Variants in SLA observed in about 807,000 individuals in gnomAD.
SLA encodes src-like-adapter.
In SLA, 16 loss-of-function variants were observed where a neutral mutation model predicts 30.3. That is an observed-to-expected ratio of 0.53 (90% CI 0.36 to 0.80). The LOEUF (loss-of-function observed/expected upper bound fraction) is 0.80, where lower values mean the gene tolerates loss of function less well. Ranked by LOEUF, SLA falls within the 30% of genes least tolerant of loss-of-function variation. The pLI is 0.01. For synonymous variants in SLA, 143 were observed against 137.8 expected (o/e 1.04, Z -0.26); for missense variants, 310 against 345.2 (o/e 0.90, Z 0.81).
intron 1 of SLA, chr8:133,090,258 G>C (rs1247653724): frequency 6.6e-6 from 1 of 152,248 alleles, no homozygotes; most frequent in Non-Finnish European, 1.5e-5. Context: ...TGAGGGCTTA[G>C]AAGTCACACA....
intron 1 of SLA, chr8:133,094,924 T>C: frequency 7.2e-7 from 1 of 1,384,170 alleles, no homozygotes; most frequent in South Asian, 1.2e-5. Flanking sequence ...CCAGAATGGG[T>C]CCTGGGACTC....
intron 3 of SLA, among the ~76,000 whole-genome samples, chr8:133,057,619 G>A (rs1218772297): frequency 6.6e-6 from 1 of 152,098 alleles, no homozygotes; most frequent in African/African-American, 2.4e-5. Context: ...CAGCTTCCAC[G>A]GAACATTACT....
In SLA at chr8:133,042,914, G is replaced by A. The variant is rs551655685; in HGVS notation, c.484+2070C>T. 9.2e-5 allele frequency among the ~76,000 whole-genome samples: 14 copies of A among 151,590 alleles called. No homozygotes were observed. The South Asian group carries it at 2.1e-3, about 23-fold the overall frequency. On this transcript the variant is annotated intron_variant, in intron 7 of 8. Coordinates refer to ENST00000338087, the MANE Select transcript of SLA (RefSeq NM_001045556.3). ...TCACCATGTTGGTCAGACTAGCCTCGAACTCCTGACCTCAGGCGATCCGCC... is the reference window on the plus strand; with the variant it reads ...TCACCATGTTGGTCAGACTAGCCTCAAACTCCTGACCTCAGGCGATCCGCC...
At chr8:133,066,712 G>A (rs1045870210) in intron 2 of SLA, among the ~76,000 whole-genome samples, 1 of 152,196 alleles carries the variant, frequency 6.6e-6, no homozygotes, top group Non-Finnish European at 1.5e-5. Flanking sequence ...GGGCAAGTTA[G>A]TTCACTTCTC....
At chr8:133,088,595 G>T (rs1846988785) in intron 1 of SLA, among the ~76,000 whole-genome samples, 1 of 152,126 alleles carries the variant, frequency 6.6e-6, no homozygotes, top group South Asian at 2.1e-4. Context: ...CCCTTAGAAG[G>T]TGCCTTATAA....
At chr8:133,096,914 G>A (rs1848503523) in intron 1 of SLA, among the ~76,000 whole-genome samples, 3 of 152,208 alleles carry the variant, frequency 2.0e-5, no homozygotes, top group African/African-American at 4.8e-5. Context: ...GAGGTCTTCA[G>A]TCTGCTTGAA....
intron 2 of SLA, among the ~76,000 whole-genome samples, chr8:133,067,350 A>G (rs1335721654): frequency 6.6e-6 from 1 of 152,112 alleles, no homozygotes; most frequent in Non-Finnish European, 1.5e-5. Context: ...GGGCTGCGGC[A>G]TACCAGGGGC....
At chr8:133,056,347 G>A (rs1564128207) in intron 3 of SLA, among the ~76,000 whole-genome samples, 1 of 152,188 alleles carries the variant, frequency 6.6e-6, no homozygotes, top group African/African-American at 2.4e-5. Flanking sequence ...TAGAAAAAAG[G>A]GATCTGGTCC....
At chr8:133,058,262 C>T (rs1035427350) in intron 3 of SLA, among the ~76,000 whole-genome samples, 2 of 152,136 alleles carry the variant, frequency 1.3e-5, no homozygotes, top group Non-Finnish European at 1.5e-5. Flanking sequence ...GTTGAAAAAG[C>T]AGCCCACCAG....
chr8:133,084,485 A>G (rs926744306), intron 1 of SLA, among the ~76,000 whole-genome samples: 3 of 152,246 alleles, frequency 2.0e-5, no homozygotes, highest in African/African-American at 7.2e-5. Flanking sequence ...GCTATCACTC[A>G]TGGTGTCACT....
At chr8:133,089,295 G>A (rs1274534508) in intron 1 of SLA, among the ~76,000 whole-genome samples, 1 of 152,166 alleles carries the variant, frequency 6.6e-6, no homozygotes. Flanking sequence ...GGGGATAGAG[G>A]AATAACTACC....
intron 2 of SLA, among the ~76,000 whole-genome samples, chr8:133,066,945 A>G (rs1268112011): frequency 6.6e-6 from 1 of 152,140 alleles, no homozygotes; most frequent in Non-Finnish European, 1.5e-5. Flanking sequence ...AGAGTCCTCA[A>G]ATCTGATGGG....
At position 133,057,519 on chromosome 8, in the gene SLA, G is replaced by C. The variant is rs769149846; in HGVS notation, c.61+2581C>G. On this transcript the variant is annotated intron_variant, in intron 3 of 8. Transcript: ENST00000338087. ...TTTAAAAGTTTCCACACCCTTCTTTGCTGGTGCCTGCCCTGCATCATGCTG... is the reference window on the plus strand; with the variant it reads ...TTTAAAAGTTTCCACACCCTTCTTTCCTGGTGCCTGCCCTGCATCATGCTG... Among the ~76,000 whole-genome samples, 11 of 152,242 alleles carry C rather than the reference G, an allele frequency of 7.2e-5. No homozygotes were observed. In the South Asian group the frequency reaches 1.0e-3, roughly 14 times the overall value.
intron 1 of SLA, among the ~76,000 whole-genome samples, chr8:133,093,938 C>T (rs1225327377): frequency 6.6e-6 from 1 of 152,186 alleles, no homozygotes; most frequent in Non-Finnish European, 1.5e-5. Flanking sequence ...TCGGAGCCCT[C>T]AATCCACAGT....
At chr8:133,069,611 A>C (rs1843646888) in intron 2 of SLA, among the ~76,000 whole-genome samples, 1 of 152,174 alleles carries the variant, frequency 6.6e-6, no homozygotes, top group African/African-American at 2.4e-5. Flanking sequence ...CCCCTACTGG[A>C]CTATAAGTGC....
chr8:133,070,822 C>G (rs373493392), intron 2 of SLA, among the ~76,000 whole-genome samples: 1 of 152,234 alleles, frequency 6.6e-6, no homozygotes, highest in African/African-American at 2.4e-5. Context: ...CAGGCACCCC[C>G]GCTCCTGACC....
chr8:133,083,626 T>A (rs1028740148), intron 1 of SLA, among the ~76,000 whole-genome samples: 8 of 152,186 alleles, frequency 5.3e-5, no homozygotes. Flanking sequence ...ATTATCAAGT[T>A]GTCAGTGCAA....
chr8:133,053,318 C>T (rs146137375), intron 3 of SLA, among the ~76,000 whole-genome samples: 8 of 152,262 alleles, frequency 5.3e-5, no homozygotes, highest in East Asian at 1.9e-4. Context: ...CTGTGAGTTC[C>T]GGGAGGGCAG....
At chr8:133,098,347 A>G (rs1206704858) in intron 1 of SLA, among the ~76,000 whole-genome samples, 1 of 152,228 alleles carries the variant, frequency 6.6e-6, no homozygotes, top group Non-Finnish European at 1.5e-5. Flanking sequence ...AATCAAAAGA[A>G]TGTTAAAGCA....
Sources: gnomAD v4.1 joint callset for allele counts (sites outside exome capture counted in the v4.1 genomes callset) on GRCh38, gnomAD v4.1.1 for gene constraint, MANE v1.5 for transcripts, NCBI Gene and HGNC (gene_info 2026-07-23, HGNC 2026-07-21) for gene names.